The following NSUN7 variants were observed in gnomAD, a reference collection of about 807,000 sequenced individuals.
The protein encoded by NSUN7 is protein NSUN7.
NSUN7 carries 39 observed loss-of-function variants against 58.5 expected under a neutral mutation model. The observed-to-expected ratio is 0.67, with a 90% CI of 0.52 to 0.87. NSUN7 has a LOEUF of 0.87. NSUN7 is among the 40% of genes least tolerant of loss of function. The pLI, the probability that NSUN7 is intolerant of heterozygous loss-of-function variation, is 0.00. For synonymous variants in NSUN7, 278 were observed against 303.7 expected (o/e 0.92, Z 0.88); for missense variants, 765 against 844.1 (o/e 0.91, Z 1.16).
chr4:40,757,755 T>C, intron 2 of NSUN7, among the ~76,000 whole-genome samples: 1 of 145,228 alleles, frequency 6.9e-6, no homozygotes, highest in Non-Finnish European at 1.5e-5. Flanking sequence ...CACACATACA[T>C]ACACAAAAGT....
At chr4:40,786,441 A>T in intron 7 of NSUN7, 4 of 1,612,100 alleles carry the variant, frequency 2.5e-6, no homozygotes, top group Non-Finnish European at 3.4e-6. Flanking sequence ...GGATGGAAGA[A>T]GCCAAAACTG....
intron 4 of NSUN7, among the ~76,000 whole-genome samples, chr4:40,768,479 C>T (rs149060235): frequency 2.6e-4 from 39 of 152,206 alleles, no homozygotes; most frequent in Middle Eastern, 3.4e-3. Context: ...TGTGAGCTGC[C>T]GTGCTCGGCC....
At chr4:40,750,407 T>TG (rs1255988495) in intron 1 of NSUN7, 107 bp downstream of exon 1, 1 of 379,568 alleles carries the variant, frequency 2.6e-6, no homozygotes, top group African/African-American at 2.1e-5. Flanking sequence ...TCGGTCTCCT[T>TG]GGGGCTCTTC....
At chr4:40,782,547 CAAA>C (rs78502337) in intron 7 of NSUN7, among the ~76,000 whole-genome samples, 14 of 118,528 alleles carry the variant, frequency 1.2e-4, no homozygotes, top group Admixed American at 1.6e-4. Flanking sequence ...CACCCTGTCT[CAAA>C]AAAAAAAAAA....
chr4:40,808,522 A>G lies in NSUN7; in HGVS notation c.1740A>G (p.Leu580=). The G allele has an allele frequency of 5.2e-6, 8 of 1,552,904 alleles. No homozygotes were observed. The highest frequency in any genetic ancestry group is 1.2e-5 in the South Asian group (1 of 84,354). Residue 580 remains leucine (L), a synonymous_variant, in exon 12 of 12, where the codon CTA becomes CTG. Transcript: ENST00000381782. ...GAGAAACTAAAGCCAGTGCTAATCTATCAGAGACTGTAACAAAACCACCTC... is the reference window on the plus strand; with the variant it reads ...GAGAAACTAAAGCCAGTGCTAATCTGTCAGAGACTGTAACAAAACCACCTC... ...LNRETKASAN[L]SETVTKPPLP...
At chr4:40,782,943 T>C (rs997844384) in intron 7 of NSUN7, among the ~76,000 whole-genome samples, 4 of 152,150 alleles carry the variant, frequency 2.6e-5, no homozygotes, top group African/African-American at 9.7e-5. Context: ...GAACACTCAA[T>C]ATTAAATTGA....
chr4:40,779,732 G>A (rs778242997), intron 7 of NSUN7, among the ~76,000 whole-genome samples: 7 of 152,064 alleles, frequency 4.6e-5, no homozygotes, highest in Admixed American at 6.6e-5. Flanking sequence ...TAATGTCTGC[G>A]GGACTAAAGA....
At chr4:40,806,058 G>A (rs2154289548) in intron 10 of NSUN7, among the ~76,000 whole-genome samples, 1 of 152,186 alleles carries the variant, frequency 6.6e-6, no homozygotes, top group African/African-American at 2.4e-5. Flanking sequence ...AGGCCGGAGT[G>A]CAATGGTGCA....
At chr4:40,780,803 ATATATATATATTTTTTTTTTTT>A (rs1742512846) in intron 7 of NSUN7, among the ~76,000 whole-genome samples, 1 of 105,830 alleles carries the variant, frequency 9.4e-6, no homozygotes. Flanking sequence ...ATATATATAT[ATATATATATATTTTTTTTTTTT>A]TTTTTTTTTT....
intron 11 of NSUN7, 44 bp downstream of exon 11, chr4:40,807,228 TAAAC>T: frequency 6.6e-7 from 1 of 1,517,616 alleles, no homozygotes; most frequent in Non-Finnish European, 8.9e-7. Flanking sequence ...TTGGAATTAA[TAAAC>T]TACAAAGCCT....
At chr4:40,790,564 T>A in intron 7 of NSUN7, 38 bp from the exon 8 acceptor site, 1 of 1,317,096 alleles carries the variant, frequency 7.6e-7, no homozygotes, top group Non-Finnish European at 1.1e-6. Flanking sequence ...GATTTTTCAT[T>A]AATATTTTAC....
chr4:40,793,618 A>T (rs1743195505), intron 8 of NSUN7, among the ~76,000 whole-genome samples: 1 of 152,202 alleles, frequency 6.6e-6, no homozygotes, highest in Non-Finnish European at 1.5e-5. Context: ...AGTTCTAGAG[A>T]GGCAGTATAA....
At chr4:40,790,443 G>A (rs1457437403) in intron 7 of NSUN7, among the ~76,000 whole-genome samples, 159 bp from the exon 8 acceptor site, 1 of 152,156 alleles carries the variant, frequency 6.6e-6, no homozygotes, top group Non-Finnish European at 1.5e-5. Context: ...TTAACTTTGG[G>A]TAGATATCAG....
At chr4:40,771,033 G>C (rs1741983753) in intron 4 of NSUN7, among the ~76,000 whole-genome samples, 1 of 152,170 alleles carries the variant, frequency 6.6e-6, no homozygotes, top group South Asian at 2.1e-4. Flanking sequence ...CCTGGTGACA[G>C]AGCAAGACTC....
chr4:40,761,137 T>C, intron 3 of NSUN7, 34 bp from the exon 4 acceptor site: 1 of 1,508,348 alleles, frequency 6.6e-7, no homozygotes, highest in South Asian at 1.2e-5. Flanking sequence ...ATATTGTTTG[T>C]ATACTTTTCT....
chr4:40,751,933 T>G (rs1578135680), intron 2 of NSUN7, among the ~76,000 whole-genome samples: 1 of 152,004 alleles, frequency 6.6e-6, no homozygotes, highest in South Asian at 2.1e-4. Flanking sequence ...GAGGCAGAGG[T>G]TGCAGTGAGC....
intron 1 of NSUN7, 104 bp from the exon 2 acceptor site, chr4:40,750,499 A>C: frequency 4.4e-6 from 2 of 450,556 alleles, no homozygotes; most frequent in Non-Finnish European, 7.8e-6. Flanking sequence ...CTCAGATGGG[A>C]CGGGAAATGC....
chr4:40,750,811 A>C lies in NSUN7; in HGVS notation c.118A>C (p.Thr40Pro), dbSNP rs1481461454. ...GKSSAGVPEK[T>P]GYPDSVYVMA... ...AAGCTCAGCTGGTGTGCCCGAAAAA[A>C]CGGGCTATCCGGACTCCGTTTATGT... The change falls in exon 2 of 12, where the codon ACG becomes CCG. Residue 40 changes from threonine (T) to proline (P), a missense_variant. Transcript: ENST00000381782. 6.2e-7 allele frequency: 1 copy of C among 1,614,056 alleles called. No individual in the cohort carries two copies. The highest frequency in any genetic ancestry group is 8.5e-7 in the Non-Finnish European group (1 of 1,180,012).
At chr4:40,795,569 G>A (rs1244047937) in intron 9 of NSUN7, among the ~76,000 whole-genome samples, 2 of 152,142 alleles carry the variant, frequency 1.3e-5, no homozygotes, top group African/African-American at 4.8e-5. Context: ...CTTTTATGAT[G>A]CCAAATAAAC....
Sources: gnomAD v4.1 joint callset for allele counts (sites outside exome capture counted in the v4.1 genomes callset) on GRCh38, gnomAD v4.1.1 for gene constraint, MANE v1.5 for transcripts, NCBI Gene and HGNC (gene_info 2026-07-23, HGNC 2026-07-21) for gene names.